The following PFKFB4 variants were observed in gnomAD, a reference collection of about 807,000 sequenced individuals.
The protein encoded by PFKFB4 is 6-phosphofructo-2-kinase/fructose-2,6-bisphosphatase 4.
Under a neutral mutation model 62.8 loss-of-function variants are expected in PFKFB4, and 42 were observed. That is an observed-to-expected ratio of 0.67 (90% CI 0.52 to 0.86). The LOEUF is 0.86. Among genes scored for constraint, PFKFB4 ranks in the 40% least tolerant of loss-of-function variants. The pLI, the probability that PFKFB4 is intolerant of heterozygous loss-of-function variation, is 0.00. For missense variants in PFKFB4, 475 were observed against 627.2 expected, an observed-to-expected ratio of 0.76 and a Z score of 2.59; for synonymous variants, 204 against 240.7, an observed-to-expected ratio of 0.85 and a Z score of 1.41.
At chr3:48,549,634 C>A (rs1373365428) in intron 3 of PFKFB4, among the ~76,000 whole-genome samples, 1 of 152,104 alleles carries the variant, frequency 6.6e-6, no homozygotes, top group East Asian at 1.9e-4. Flanking sequence ...ATCCCCAAAC[C>A]CATCACCTCC....
chr3:48,522,231 G>A (rs1031837229), intron 12 of PFKFB4, among the ~76,000 whole-genome samples, 181 bp from the exon 13 acceptor site: 8 of 152,186 alleles, frequency 5.3e-5, no homozygotes, highest in Non-Finnish European at 1.2e-4. Flanking sequence ...GAGACACGCT[G>A]TCAGACCCAC....
intron 1 of PFKFB4, among the ~76,000 whole-genome samples, chr3:48,555,284 G>A (rs1001642226): frequency 4.6e-5 from 7 of 152,212 alleles, no homozygotes; most frequent in Non-Finnish European, 7.4e-5. Context: ...GAGTTACCAC[G>A]ACTTGGTCTG....
At chr3:48,561,809 T>C (rs981598795), upstream of PFKFB4, 16 of 152,186 alleles carry the variant, frequency 1.1e-4, no homozygotes, top group Admixed American at 1.0e-3. The surrounding 1 kb of genome is among the most constrained non-coding windows in gnomAD (Gnocchi z 5.2). Context: ...GCTCACAGGC[T>C]TGCTGGTGTC....
chr3:48,556,774 C>T lies in PFKFB4; in HGVS notation c.4G>A (p.Ala2Thr), dbSNP rs1313619795. Reference sequence around the variant, plus strand: ...TTCTGTGTCAATTCCCGTGGGGACGCCATCCCGGGGCCGGGATGAGTCGGA... The same window carrying T: ...TTCTGTGTCAATTCCCGTGGGGACGTCATCCCGGGGCCGGGATGAGTCGGA... M[A>T]SPRELTQNPL... is the part of the protein sequence containing the mutation. Residue 2 changes from alanine (A) to threonine (T), a missense_variant, in exon 1 of 14, where the codon GCG (alanine) becomes ACG (threonine). By Grantham distance (58) the Ala-to-Thr change is moderately conservative (BLOSUM62 0). Transcript: ENST00000232375. The surrounding 1 kb of genome is among the most constrained non-coding windows in gnomAD (Gnocchi z 5.7). 1 of 1,600,964 alleles carries T rather than the reference C, an allele frequency of 6.2e-7. No homozygotes were observed. The highest frequency in any genetic ancestry group is 1.1e-5 in the South Asian group (1 of 90,216).
chr3:48,535,718 C>A, intron 8 of PFKFB4, 60 bp from the exon 9 acceptor site: 1 of 1,603,740 alleles, frequency 6.2e-7, no homozygotes, highest in South Asian at 1.1e-5. Context: ...TAAAGCATCC[C>A]ATAGCCGCAG....
At chr3:48,536,657 C>T (rs2042628646) in intron 7 of PFKFB4, 194 bp from the exon 8 acceptor site, 1 of 569,924 alleles carries the variant, frequency 1.8e-6, no homozygotes, top group East Asian at 2.8e-5. Flanking sequence ...GACGCACAGG[C>T]AAACCCTGTG....
intron 1 of PFKFB4, among the ~76,000 whole-genome samples, chr3:48,555,754 A>G (rs2043294359): frequency 6.6e-6 from 1 of 152,064 alleles, no homozygotes; most frequent in Non-Finnish European, 1.5e-5. Flanking sequence ...AAAAAGAAAA[A>G]AAAAAGCTGG....
chr3:48,519,498 C>T lies in PFKFB4; in HGVS notation c.*249G>A, dbSNP rs576332551. 9 of 502,866 alleles carry T rather than the reference C, an allele frequency of 1.8e-5. No individual in the cohort carries two copies. The highest frequency in any genetic ancestry group is 9.1e-5 in the South Asian group (3 of 32,862). 31.2% of individuals were successfully genotyped at this position (502,866 alleles called of 1,614,324 possible). A position where few individuals can be genotyped will look rare whatever the true frequency, so the allele number is the denominator to read the frequency against. Reference sequence around the variant, plus strand: ...AGAAACTGGGGCTGGGCAACCTCCGCGCAGCCCATGCAGATGCAGTCTGGT... The same window carrying T: ...AGAAACTGGGGCTGGGCAACCTCCGTGCAGCCCATGCAGATGCAGTCTGGT... On this transcript the variant is annotated 3_prime_UTR_variant, in exon 14 of 14. Transcript: ENST00000232375.
chr3:48,532,170 C>T (rs1490922226), intron 9 of PFKFB4, among the ~76,000 whole-genome samples: 3 of 151,986 alleles, frequency 2.0e-5, no homozygotes, highest in Non-Finnish European at 4.4e-5. Flanking sequence ...ATTAGCTAGG[C>T]ATCGTGGTGT....
chr3:48,545,191 G>A (rs1372726254), intron 3 of PFKFB4, among the ~76,000 whole-genome samples: 2 of 152,010 alleles, frequency 1.3e-5, no homozygotes, highest in African/African-American at 4.8e-5. Flanking sequence ...GAGTGCAGTG[G>A]CATGATCTCA....
At chr3:48,531,611 G>A (rs927750659) in intron 9 of PFKFB4, among the ~76,000 whole-genome samples, 5 of 150,228 alleles carry the variant, frequency 3.3e-5, no homozygotes, top group Non-Finnish European at 5.9e-5. Flanking sequence ...ATGAGCCACC[G>A]CACCCGGCCA....
chr3:48,539,513 C>T, intron 5 of PFKFB4, 184 bp downstream of exon 5: 2 of 691,080 alleles, frequency 2.9e-6, no homozygotes, highest in Non-Finnish European at 5.1e-6. Flanking sequence ...CTAGACTCTC[C>T]CACGAAAACC....
At chr3:48,541,149 A>G (rs1485600757) in intron 4 of PFKFB4, among the ~76,000 whole-genome samples, 1 of 147,648 alleles carries the variant, frequency 6.8e-6, no homozygotes, top group Non-Finnish European at 1.5e-5. Flanking sequence ...CAGTGGCGCG[A>G]TCTCAGCTCG....
intron 9 of PFKFB4, among the ~76,000 whole-genome samples, chr3:48,532,874 A>G (rs1172016640): frequency 1.3e-5 from 2 of 152,198 alleles, no homozygotes; most frequent in Admixed American, 6.5e-5. Flanking sequence ...TGCACAAGCT[A>G]CAACATGGAT....
intron 9 of PFKFB4, among the ~76,000 whole-genome samples, chr3:48,530,272 A>AAATG (rs2042390889): frequency 6.6e-6 from 1 of 152,116 alleles, no homozygotes; most frequent in Non-Finnish European, 1.5e-5. Context: ...ATAAATAAAT[A>AAATG]AAAATAAAAT....
rs1263337124 is a variant in PFKFB4, at chr3:48,556,475, C to T, written c.97+206G>A. ...TATGCCCCCACACACCTGTCCCCGC[C>T]CCCTGCTCTGCCACACCTGTCTCTG... is the stretch of plus-strand genomic sequence containing the variant. On this transcript the variant is annotated intron_variant, in intron 1 of 13. Coordinates refer to ENST00000232375, the MANE Select transcript of PFKFB4 (RefSeq NM_004567.4). This position sits in a 1 kb window ranked among gnomAD's most constrained non-coding sequence, Gnocchi z 5.7. Among the ~76,000 whole-genome samples, 1 of 152,102 alleles carries T rather than the reference C, an allele frequency of 6.6e-6. No homozygotes were observed. The highest frequency in any genetic ancestry group is 1.5e-5 in the Non-Finnish European group (1 of 67,982).
At chr3:48,550,002 C>T (rs777541637) in intron 2 of PFKFB4, 42 bp from the exon 3 acceptor site, 2 of 1,490,432 alleles carry the variant, frequency 1.3e-6, no homozygotes, top group Non-Finnish European at 9.4e-7. Context: ...CAACAGCAAC[C>T]CCTACCAACC....
At chr3:48,537,413 C>A (rs911301677) in intron 7 of PFKFB4, among the ~76,000 whole-genome samples, 1 of 152,068 alleles carries the variant, frequency 6.6e-6, no homozygotes. Flanking sequence ...TCAGCTCAGG[C>A]CCGGCCTGGG....
At chr3:48,544,441 CTTTTTT>C (rs34817026) in intron 3 of PFKFB4, among the ~76,000 whole-genome samples, 2 of 100,366 alleles carry the variant, frequency 2.0e-5, no homozygotes, top group African/African-American at 4.0e-5. Flanking sequence ...GTTTTCAGAT[CTTTTTT>C]TTTTTTTTTT....
Sources: gnomAD v4.1 joint callset for allele counts (sites outside exome capture counted in the v4.1 genomes callset) on GRCh38, gnomAD v4.1.1 for gene constraint, Gnocchi (gnomAD v3.1) non-coding constraint, MANE v1.5 for transcripts, NCBI Gene and HGNC (gene_info 2026-07-23, HGNC 2026-07-21) for gene names.